KATNAL2: variants seen among roughly 807,000 people sequenced by gnomAD.
KATNAL2 encodes the protein katanin catalytic subunit A1 like 2, also known as katanin p60 ATPase-containing subunit A-like 2.
In KATNAL2, 52 loss-of-function variants were observed where a neutral mutation model predicts 76.3. The ratio of observed to expected loss-of-function variants is 0.68; its 90% CI spans 0.55 to 0.86. The LOEUF is 0.86. Among genes scored for constraint, KATNAL2 ranks in the 40% least tolerant of loss-of-function variants. The probability of loss-of-function intolerance (pLI) is 0.00; values close to 1 mark genes in which losing one functional copy is unlikely to be tolerated. For synonymous variants in KATNAL2, 243 were observed against 244.2 expected, an observed-to-expected ratio of 1.00 and a Z score of 0.05; for missense variants, 660 against 668.9, an observed-to-expected ratio of 0.99 and a Z score of 0.15.
rs1299874559 is a variant in KATNAL2 at position 46,917,895 on chromosome 18, T to C, written c.-541T>C. 3.9e-5 allele frequency: 6 copies of C among 152,064 alleles called. No homozygotes were observed. The highest frequency in any genetic ancestry group is 1.3e-4 in the Admixed American group (2 of 15,268). 9.4% of individuals were successfully genotyped at this position (152,064 alleles called of 1,614,324 possible). On this transcript the variant is annotated 5_prime_UTR_variant, in exon 1 of 18. Transcript: ENST00000683218. ...CAAATAAAACCATCCCCCAGAGTAG[T>C]TGTGGCGGAATAATCTAAATATGGG...
chr18:47,031,465 G>T (rs2060436167), intron 3 of KATNAL2, among the ~76,000 whole-genome samples: 1 of 151,982 alleles, frequency 6.6e-6, no homozygotes. Context: ...TGTTTCTTCT[G>T]CAGAAAGAAA....
intron 15 of KATNAL2, among the ~76,000 whole-genome samples, chr18:47,086,762 C>T (rs114244935): frequency 0.011 from 1,676 of 152,234 alleles, 31 homozygotes; most frequent in African/African-American, 0.038. Flanking sequence ...ACCCATATGA[C>T]GAGGAAAGAA....
At chr18:47,042,444 T>G (rs2060994802) in intron 3 of KATNAL2, among the ~76,000 whole-genome samples, 1 of 152,234 alleles carries the variant, frequency 6.6e-6, no homozygotes, top group Non-Finnish European at 1.5e-5. Context: ...TGGATGGATA[T>G]GTTTATAAAA....
At chr18:47,078,998 T>C (rs765447947) in intron 15 of KATNAL2, among the ~76,000 whole-genome samples, 180 of 152,294 alleles carry the variant, frequency 1.2e-3, no homozygotes, top group Non-Finnish European at 8.4e-4. Context: ...TATCCTGTTT[T>C]ATTATGAAAA....
intron 13 of KATNAL2, among the ~76,000 whole-genome samples, chr18:47,072,175 C>G (rs1249210858): frequency 6.6e-6 from 1 of 151,804 alleles, no homozygotes; most frequent in Admixed American, 6.6e-5. Flanking sequence ...CCAGGCTGGT[C>G]TCAAACTCCT....
intron 13 of KATNAL2, 98 bp downstream of exon 13, chr18:47,069,698 G>A (rs1054505609): frequency 1.4e-6 from 1 of 738,146 alleles, no homozygotes; most frequent in East Asian, 2.6e-5. Flanking sequence ...GATTTTATGT[G>A]AGATCTCAAG....
At chr18:47,033,162 G>A (rs1299414293) in intron 3 of KATNAL2, 13 of 1,613,966 alleles carry the variant, frequency 8.1e-6, no homozygotes, top group Middle Eastern at 1.7e-4. Flanking sequence ...GCCAGCGAAG[G>A]ATGCTGCTGC....
chr18:47,033,517 T>A, intron 3 of KATNAL2: 3 of 1,614,136 alleles, frequency 1.9e-6, no homozygotes, highest in Non-Finnish European at 2.5e-6. Flanking sequence ...CCTCCGTAAT[T>A]CGTCTGTCTC....
intron 15 of KATNAL2, among the ~76,000 whole-genome samples, chr18:47,081,336 A>AT (rs1344909175): frequency 6.6e-6 from 1 of 152,228 alleles, no homozygotes; most frequent in Non-Finnish European, 1.5e-5. Flanking sequence ...TATTAGCCAC[A>AT]TTTTTAAAAA....
chr18:46,940,529 A>G (rs1202599846), intron 1 of KATNAL2, among the ~76,000 whole-genome samples: 1 of 152,188 alleles, frequency 6.6e-6, no homozygotes, highest in Non-Finnish European at 1.5e-5. Context: ...ATATATTCAG[A>G]GATGGCTTGT....
At chr18:46,958,442 TAC>T (rs2059830297) in intron 3 of KATNAL2, among the ~76,000 whole-genome samples, 1 of 152,068 alleles carries the variant, frequency 6.6e-6, no homozygotes, top group Admixed American at 6.6e-5. Context: ...AGTAAAAAAA[TAC>T]ACACATATAT....
At chr18:47,042,096 G>C (rs1184662977) in intron 3 of KATNAL2, among the ~76,000 whole-genome samples, 1 of 151,914 alleles carries the variant, frequency 6.6e-6, no homozygotes, top group African/African-American at 2.4e-5. Flanking sequence ...TGTATATTTT[G>C]GATACCAGTC....
intron 1 of KATNAL2, among the ~76,000 whole-genome samples, chr18:46,942,545 C>T (rs1427575658): frequency 6.6e-6 from 1 of 152,134 alleles, no homozygotes; most frequent in Non-Finnish European, 1.5e-5. Flanking sequence ...ACCTTGGAGG[C>T]GGAGGTTGCA....
chr18:46,924,554 T>C (rs1345736809), intron 1 of KATNAL2, among the ~76,000 whole-genome samples: 1 of 152,216 alleles, frequency 6.6e-6, no homozygotes, highest in Non-Finnish European at 1.5e-5. Context: ...GATTTGACAA[T>C]GCAGGCTCTT....
Position 47,034,235 on chromosome 18 carries a change from G to T in KATNAL2, c.52-12222G>T, listed in dbSNP as rs539553515. The T allele has an allele frequency of 1.9e-5, 31 of 1,613,798 alleles. No homozygotes were observed. In the African/African-American group the frequency reaches 2.9e-4, roughly 15 times the overall value. ...GGTGGCTTCCCCTCTTGAGTCTCTC[G>T]GTCGTTGGAAAGCTGCTCTTTCTCC... is the stretch of plus-strand genomic sequence containing the variant. On this transcript the variant is annotated intron_variant, in intron 3 of 17. Transcript: ENST00000683218.
At chr18:46,927,699 C>T (rs1235164507) in intron 1 of KATNAL2, among the ~76,000 whole-genome samples, 1 of 152,186 alleles carries the variant, frequency 6.6e-6, no homozygotes, top group Non-Finnish European at 1.5e-5. Flanking sequence ...TGGTTCCATT[C>T]TCCCCGTCAT....
chr18:46,924,534 G>T (rs544055986), intron 1 of KATNAL2, among the ~76,000 whole-genome samples: 1 of 152,250 alleles, frequency 6.6e-6, no homozygotes, highest in Non-Finnish European at 1.5e-5. Flanking sequence ...TGTTCTTTTG[G>T]CTTAGGATTG....
At chr18:46,921,238 C>G (rs561696643) in intron 1 of KATNAL2, among the ~76,000 whole-genome samples, 21 of 152,304 alleles carry the variant, frequency 1.4e-4, no homozygotes, top group East Asian at 3.9e-4. Flanking sequence ...AAGCAATTCT[C>G]TGCCTCAGCC....
chr18:47,087,552 G>C (rs1250179186), intron 15 of KATNAL2, among the ~76,000 whole-genome samples: 2 of 152,146 alleles, frequency 1.3e-5, no homozygotes, highest in African/African-American at 4.8e-5. Flanking sequence ...CTTGAGGGTG[G>C]AGGGTGGGAG....
Sources: allele counts gnomAD v4.1 joint callset (sites outside exome capture counted in the v4.1 genomes callset), GRCh38; gene constraint gnomAD v4.1.1; transcripts MANE v1.5; gene names NCBI Gene and HGNC (gene_info 2026-07-23, HGNC 2026-07-21).